Variants in TBCK observed in about 807,000 individuals in gnomAD.
TBCK encodes the protein TBC domain-containing protein kinase-like protein.
TBCK carries 99 observed loss-of-function variants against 113.4 expected under a neutral mutation model. That is an observed-to-expected ratio of 0.87 (90% CI 0.74 to 1.03). The LOEUF (loss-of-function observed/expected upper bound fraction) is 1.03, where lower values mean the gene tolerates loss of function less well. Among genes scored for constraint, TBCK ranks in the 50% least tolerant of loss-of-function variants. TBCK has a pLI of 0.00. For missense variants in TBCK, 1,045 were observed against 1,061.3 expected (o/e 0.98, Z 0.21); for synonymous variants, 369 against 370.8 (o/e 1.00, Z 0.05).
chr4:106,132,120 T>A (rs950865360), intron 23 of TBCK, among the ~76,000 whole-genome samples: 6 of 152,114 alleles, frequency 3.9e-5, no homozygotes, highest in Admixed American at 3.9e-4. Flanking sequence ...GCTGCAGAAA[T>A]TTGCATAACT....
At position 106,043,092 on chromosome 4, in the gene TBCK, G is replaced by A. The variant is rs771203639; in HGVS notation, c.*3478C>T. The A allele has an allele frequency of 1.3e-5, 2 of 152,038 alleles. No individual in the cohort carries two copies. Among genetic ancestry groups the A allele is most frequent in the Non-Finnish European group, 2.9e-5 (2 of 68,006 alleles). 9.4% of individuals were successfully genotyped at this position (152,038 alleles called of 1,614,324 possible). A position where few individuals can be genotyped will look rare whatever the true frequency, so the allele number is the denominator to read the frequency against. On this transcript the variant is annotated 3_prime_UTR_variant, in exon 26 of 26. Transcript: ENST00000394708. ...CTTATATTGATACTGGGTATCCCAC[G>A]GGCCTAAAAGCTGTGCCTTTCAGGT...
chr4:106,265,679 G>C (rs564955078), intron 3 of TBCK, among the ~76,000 whole-genome samples: 1 of 151,944 alleles, frequency 6.6e-6, no homozygotes, highest in South Asian at 2.1e-4. Context: ...ATTCCTTTGA[G>C]TATCTCTGAG....
At chr4:106,166,586 T>C (rs1750396283) in intron 23 of TBCK, among the ~76,000 whole-genome samples, 2 of 151,764 alleles carry the variant, frequency 1.3e-5, no homozygotes, top group African/African-American at 2.4e-5. Context: ...CAGTACCCAA[T>C]AGGTAATATA....
At chr4:106,047,111 G>A (rs937964076) in intron 25 of TBCK, among the ~76,000 whole-genome samples, 1 of 151,930 alleles carries the variant, frequency 6.6e-6, no homozygotes, top group African/African-American at 2.4e-5. Context: ...TTGATATTAT[G>A]GTCCACTTCA....
intron 3 of TBCK, among the ~76,000 whole-genome samples, chr4:106,272,985 G>A (rs564860687): frequency 1.3e-4 from 20 of 152,226 alleles, no homozygotes; most frequent in Middle Eastern, 3.4e-3. Context: ...CCTACCTACA[G>A]TAACAGTTAA....
At chr4:106,191,955 T>C (rs535372295) in intron 22 of TBCK, among the ~76,000 whole-genome samples, 7 of 152,178 alleles carry the variant, frequency 4.6e-5, no homozygotes, top group Non-Finnish European at 1.0e-4. Flanking sequence ...TAACATCTCT[T>C]GAATGATCAT....
intron 3 of TBCK, among the ~76,000 whole-genome samples, chr4:106,287,163 T>C (rs1765199378): frequency 6.6e-6 from 1 of 152,150 alleles, no homozygotes; most frequent in African/African-American, 2.4e-5. Flanking sequence ...ATTTTCAGGA[T>C]GTATAGCAAT....
intron 23 of TBCK, among the ~76,000 whole-genome samples, chr4:106,124,907 C>T (rs920699594): frequency 9.3e-5 from 14 of 150,280 alleles, no homozygotes; most frequent in Non-Finnish European, 1.6e-4. Context: ...TGCTAGATGA[C>T]GAGTTAGTGG....
intron 22 of TBCK, among the ~76,000 whole-genome samples, chr4:106,174,244 T>C (rs1751367325): frequency 6.6e-6 from 1 of 152,126 alleles, no homozygotes; most frequent in Admixed American, 6.5e-5. Context: ...GGGTAAGACA[T>C]TATTTACCAC....
chr4:106,105,330 C>T lies in TBCK; in HGVS notation c.2412-9689G>A, dbSNP rs542531973. Among the ~76,000 whole-genome samples, 26 of 152,278 alleles carry T rather than the reference C, an allele frequency of 1.7e-4. No individual in the cohort carries two copies. In the South Asian group the frequency reaches 5.2e-3, roughly 30 times the overall value. On this transcript the variant is annotated intron_variant, in intron 24 of 25. Coordinates refer to ENST00000394708, the MANE Select transcript of TBCK (RefSeq NM_001163435.3). The stretch of plus-strand genomic sequence containing the variant: ...CCTGCATCTCTCTGGGGCGGAGCCC[C>T]CAGGAGTCAAAAAAAAATGACCCTT...
rs373647542 is a variant in TBCK at position 106,069,853 on chromosome 4, C to A, written c.2572-23173G>T. On this transcript the variant is annotated intron_variant, in intron 25 of 25. Coordinates refer to ENST00000394708, the MANE Select transcript of TBCK (RefSeq NM_001163435.3). ...GGTTTGTAGTTCTCCTTGAAGAGGT[C>A]CTTCACATCTCTTGTAAGTTGGATT... 2.6e-5 allele frequency among the ~76,000 whole-genome samples: 4 copies of A among 152,148 alleles called. No homozygotes were observed. In the East Asian group the frequency reaches 7.7e-4, roughly 29 times the overall value.
chr4:106,056,947 A>C (rs770662313), intron 25 of TBCK, among the ~76,000 whole-genome samples: 1 of 151,816 alleles, frequency 6.6e-6, no homozygotes. Context: ...GCTTACTCCT[A>C]ATACAAATAC....
chr4:106,185,677 C>T (rs1037258180), intron 22 of TBCK, among the ~76,000 whole-genome samples: 1 of 152,048 alleles, frequency 6.6e-6, no homozygotes, highest in African/African-American at 2.4e-5. Context: ...AGGATCACAA[C>T]ATTGTGAGCA....
intron 5 of TBCK, among the ~76,000 whole-genome samples, chr4:106,254,456 T>C (rs1347654265): frequency 6.6e-6 from 1 of 152,208 alleles, no homozygotes; most frequent in Non-Finnish European, 1.5e-5. Context: ...CTTCAGTAAT[T>C]ATGACTTGAA....
intron 20 of TBCK, among the ~76,000 whole-genome samples, chr4:106,203,402 C>T (rs1001502432): frequency 1.3e-5 from 2 of 151,266 alleles, no homozygotes; most frequent in Admixed American, 6.6e-5. Context: ...TATTCTACTT[C>T]TGCAAATTAT....
intron 24 of TBCK, among the ~76,000 whole-genome samples, chr4:106,102,719 T>A (rs1318199726): frequency 2.6e-5 from 4 of 152,116 alleles, no homozygotes; most frequent in Non-Finnish European, 5.9e-5. Context: ...TTAAATGATG[T>A]ATAAAAGCAA....
At chr4:106,312,647 G>C (rs1768326017) in intron 1 of TBCK, among the ~76,000 whole-genome samples, 1 of 152,034 alleles carries the variant, frequency 6.6e-6, no homozygotes, top group Non-Finnish European at 1.5e-5. Context: ...CACTGTATGA[G>C]TATGTTCATA....
chr4:106,228,352 T>TC (rs1758470766), intron 19 of TBCK, among the ~76,000 whole-genome samples: 1 of 151,382 alleles, frequency 6.6e-6, no homozygotes, highest in African/African-American at 2.4e-5. Context: ...ATTTTTTTTT[T>TC]TTTACCCATT....
rs116362997 is a variant in TBCK, at chr4:106,277,386, C to T, written c.267-15174G>A. ...AAAACAGAAGGCCACAAAAAAAAGACTTAACAGGGCATTTATATCAGCTTT... is the reference window on the plus strand; with the variant it reads ...AAAACAGAAGGCCACAAAAAAAAGATTTAACAGGGCATTTATATCAGCTTT... On this transcript the variant is annotated intron_variant, in intron 3 of 25. Coordinates refer to ENST00000394708, the MANE Select transcript of TBCK (RefSeq NM_001163435.3). Among the ~76,000 whole-genome samples the T allele has an allele frequency of 2.2e-3, 329 of 152,170 alleles. 1 individual carries two copies. The highest frequency in any genetic ancestry group is 7.5e-3 in the African/African-American group (312 of 41,520).
Sources: allele counts gnomAD v4.1 joint callset (sites outside exome capture counted in the v4.1 genomes callset), GRCh38; gene constraint gnomAD v4.1.1; transcripts MANE v1.5; gene names NCBI Gene and HGNC (gene_info 2026-07-23, HGNC 2026-07-21).